Variants in LIN52 observed in about 807,000 individuals in gnomAD.
LIN52 encodes lin-52 DREAM MuvB core complex component.
In LIN52, 4 loss-of-function variants were observed where a neutral mutation model predicts 18.5. The observed-to-expected ratio is 0.22, with a 90% CI of 0.11 to 0.49. The LOEUF (loss-of-function observed/expected upper bound fraction) is 0.49, where lower values mean the gene tolerates loss of function less well. LIN52 is among the 20% of genes least tolerant of loss of function. The probability of loss-of-function intolerance (pLI) is 0.97; values close to 1 mark genes in which losing one functional copy is unlikely to be tolerated. For missense variants in LIN52, 102 were observed against 139.5 expected (o/e 0.73, Z 1.35); for synonymous variants, 34 against 45.5 (o/e 0.75, Z 1.02).
chr14:74,192,068 A>G, intron 5 of LIN52, among the ~76,000 whole-genome samples: 1 of 151,270 alleles, frequency 6.6e-6, no homozygotes, highest in East Asian at 1.9e-4. Flanking sequence ...ATTCACACAG[A>G]TGCAAGTCAT....
intron 5 of LIN52, among the ~76,000 whole-genome samples, chr14:74,195,124 C>G (rs894941072): frequency 5.3e-5 from 8 of 151,952 alleles, no homozygotes; most frequent in African/African-American, 1.9e-4. Context: ...CCAACCTGGG[C>G]AACAAGAGCG....
intron 1 of LIN52, among the ~76,000 whole-genome samples, chr14:74,089,781 G>T (rs2060759805): frequency 6.7e-6 from 1 of 148,222 alleles, no homozygotes; most frequent in African/African-American, 2.5e-5. Context: ...GGAGTCATTG[G>T]CATACAGATG....
chr14:74,161,725 G>A (rs554242053), intron 5 of LIN52, among the ~76,000 whole-genome samples: 3 of 152,202 alleles, frequency 2.0e-5, no homozygotes, highest in Admixed American at 6.5e-5. Flanking sequence ...CAGCCCACCT[G>A]ATGGCAGTGA....
chr14:74,132,546 G>A (rs1440238058), intron 5 of LIN52, among the ~76,000 whole-genome samples: 1 of 152,098 alleles, frequency 6.6e-6, no homozygotes, highest in Admixed American at 6.5e-5. Flanking sequence ...GTCTTACTCT[G>A]TCGCCAGGCT....
intron 5 of LIN52, among the ~76,000 whole-genome samples, chr14:74,159,874 C>T (rs947976012): frequency 2.0e-5 from 3 of 152,158 alleles, no homozygotes; most frequent in African/African-American, 4.8e-5. Context: ...GCCCTGCCTA[C>T]AGCTGTCTTT....
intron 5 of LIN52, among the ~76,000 whole-genome samples, chr14:74,143,129 T>G (rs774873553): frequency 6.6e-6 from 1 of 152,058 alleles, no homozygotes; most frequent in African/African-American, 2.4e-5. Context: ...GAAAATAGTT[T>G]ATAGTATAAA....
At chr14:74,198,821 A>G in intron 5 of LIN52, 101 bp from the exon 6 acceptor site, 4 of 885,758 alleles carry the variant, frequency 4.5e-6, no homozygotes, top group Non-Finnish European at 5.4e-6. Flanking sequence ...GCAACTTGAT[A>G]TATAATTTAA....
At chr14:74,119,716 C>T (rs967700625) in intron 5 of LIN52, among the ~76,000 whole-genome samples, 8 of 152,050 alleles carry the variant, frequency 5.3e-5, no homozygotes, top group African/African-American at 1.9e-4. Flanking sequence ...TCCTTAATGA[C>T]TAATGAGGTT....
rs143002000 is a variant in LIN52, at chr14:74,087,384, C to T, written c.19+2391C>T. On this transcript the variant is annotated intron_variant, in intron 1 of 5. Coordinates refer to ENST00000555028, the MANE Select transcript of LIN52 (RefSeq NM_001024674.3). Reference sequence around the variant, plus strand: ...TGAGCCGAGATCACGCCACTGCACTCCAGCCTGGGACAGAGCGAGACTCCA... The same window carrying T: ...TGAGCCGAGATCACGCCACTGCACTTCAGCCTGGGACAGAGCGAGACTCCA... Among the ~76,000 whole-genome samples, 701 of 147,274 alleles carry T rather than the reference C, an allele frequency of 4.8e-3. 6 individuals are homozygous for T. The highest frequency in any genetic ancestry group is 0.017 in the African/African-American group (657 of 39,584).
chr14:74,093,718 C>T (rs1457078073), intron 2 of LIN52, among the ~76,000 whole-genome samples: 1 of 152,184 alleles, frequency 6.6e-6, no homozygotes, highest in East Asian at 1.9e-4. Flanking sequence ...GTAATCCAAG[C>T]ACTTTGAGAG....
intron 5 of LIN52, among the ~76,000 whole-genome samples, chr14:74,196,028 T>C (rs1285357968): frequency 6.6e-6 from 1 of 152,216 alleles, no homozygotes; most frequent in Non-Finnish European, 1.5e-5. Context: ...AGGGAGCGGC[T>C]GTGTCATACA....
chr14:74,150,424 A>G (rs1289991050), intron 5 of LIN52, among the ~76,000 whole-genome samples: 5 of 152,248 alleles, frequency 3.3e-5, no homozygotes. Context: ...ATGAAGCTAG[A>G]CACAAAAGAG....
chr14:74,091,145 G>C (rs1437128853), intron 1 of LIN52, 87 bp from the exon 2 acceptor site: 4 of 879,482 alleles, frequency 4.5e-6, no homozygotes, highest in Non-Finnish European at 7.3e-6. Context: ...CCAGGTGAGT[G>C]TTCCAGTTTA....
At chr14:74,114,971 A>T (rs1374995783) in intron 5 of LIN52, among the ~76,000 whole-genome samples, 1 of 152,162 alleles carries the variant, frequency 6.6e-6, no homozygotes, top group East Asian at 1.9e-4. Context: ...GAACTTTCCT[A>T]CAAGTTTAAA....
intron 5 of LIN52, among the ~76,000 whole-genome samples, chr14:74,186,509 C>G (rs2061341358): frequency 1.3e-5 from 2 of 152,068 alleles, no homozygotes; most frequent in Non-Finnish European, 2.9e-5. Flanking sequence ...GTTGCTCACA[C>G]CTTTAATCCC....
chr14:74,132,020 A>T (rs1014618169), intron 5 of LIN52, among the ~76,000 whole-genome samples: 1 of 152,258 alleles, frequency 6.6e-6, no homozygotes, highest in Non-Finnish European at 1.5e-5. Context: ...AGAACCTGGC[A>T]TCTGAATCTT....
rs757112159 is a variant in LIN52 at position 74,158,123 on chromosome 14, A to ATTTTT, written c.284-40798_284-40797insTTTTT. The stretch of plus-strand genomic sequence containing the variant: ...ATCACTGCTATATATATATATATAT[A>ATTTTT]TATTTTTTTGAGATAGAGTCTCCCT... On this transcript the variant is annotated intron_variant, in intron 5 of 5. Coordinates refer to ENST00000555028, the MANE Select transcript of LIN52 (RefSeq NM_001024674.3). Among the ~76,000 whole-genome samples, 421 of 147,356 alleles carry ATTTTT rather than the reference A, an allele frequency of 2.9e-3. 2 individuals carry two copies. Among genetic ancestry groups the ATTTTT allele is most frequent in the African/African-American group, 9.5e-3 (381 of 40,300 alleles).
chr14:74,085,014 C>G, intron 1 of LIN52, 21 bp downstream of exon 1: 2 of 1,378,666 alleles, frequency 1.5e-6, no homozygotes, highest in Non-Finnish European at 9.5e-7. Flanking sequence ...GCTTAGAGAT[C>G]TTTGCCTGCA....
chr14:74,185,583 G>A (rs1262930425), intron 5 of LIN52, among the ~76,000 whole-genome samples: 3 of 151,962 alleles, frequency 2.0e-5, no homozygotes, highest in Non-Finnish European at 4.4e-5. Context: ...AAAGTGCTGG[G>A]ATTACAGGCA....
Sources: gnomAD v4.1 joint callset for allele counts (sites outside exome capture counted in the v4.1 genomes callset) on GRCh38, gnomAD v4.1.1 for gene constraint, MANE v1.5 for transcripts, NCBI Gene and HGNC (gene_info 2026-07-23, HGNC 2026-07-21) for gene names.